The following CSMD1 variants were observed in gnomAD, a reference collection of about 807,000 sequenced individuals.
CSMD1 encodes the protein CUB and sushi domain-containing protein 1.
A neutral mutation model predicts 417.5 loss-of-function variants in CSMD1; 213 were observed. That is an observed-to-expected ratio of 0.51 (90% CI 0.46 to 0.57). CSMD1 has a LOEUF of 0.57. Among genes scored for constraint, CSMD1 ranks in the 20% least tolerant of loss-of-function variants. CSMD1 has a pLI of 0.00. For synonymous variants in CSMD1, 2,862 were observed against 1,736.8 expected, an observed-to-expected ratio of 1.65 and a Z score of -16.11; for missense variants, 6,923 against 4,529.7, an observed-to-expected ratio of 1.53 and a Z score of -15.17.
intron 49 of CSMD1, among the ~76,000 whole-genome samples, chr8:3,057,038 A>G (rs1812277641): frequency 6.6e-6 from 1 of 152,144 alleles, no homozygotes. Context: ...TTAGAGACAG[A>G]TAATGGAGAA....
intron 23 of CSMD1, among the ~76,000 whole-genome samples, chr8:3,322,865 A>G (rs756343747): frequency 6.6e-6 from 1 of 152,230 alleles, no homozygotes; most frequent in Non-Finnish European, 1.5e-5. Flanking sequence ...TCTGGTTAAC[A>G]TAATGGCAAA....
intron 3 of CSMD1, among the ~76,000 whole-genome samples, chr8:4,396,424 A>G (rs1441259453): frequency 6.6e-6 from 1 of 152,114 alleles, no homozygotes; most frequent in African/African-American, 2.4e-5. Flanking sequence ...CCAAGACTGC[A>G]CCACTGAACT....
At chr8:3,480,821 T>C (rs1817697468) in intron 11 of CSMD1, among the ~76,000 whole-genome samples, 1 of 152,132 alleles carries the variant, frequency 6.6e-6, no homozygotes, top group African/African-American at 2.4e-5. Context: ...TAAAGGGAAC[T>C]TAAAAAAATT....
At chr8:3,962,305 T>C (rs1338636450) in intron 5 of CSMD1, among the ~76,000 whole-genome samples, 1 of 131,406 alleles carries the variant, frequency 7.6e-6, no homozygotes, top group Non-Finnish European at 1.6e-5. Flanking sequence ...CAACTTGGGA[T>C]TTGGTTCCAG....
At chr8:4,371,488 G>A (rs1414768385) in intron 3 of CSMD1, among the ~76,000 whole-genome samples, 2 of 152,132 alleles carry the variant, frequency 1.3e-5, no homozygotes, top group East Asian at 3.8e-4. Context: ...ATAAACCTAA[G>A]GCTTCAATAT....
At chr8:3,945,681 G>C (rs1811177820) in intron 5 of CSMD1, among the ~76,000 whole-genome samples, 1 of 152,084 alleles carries the variant, frequency 6.6e-6, no homozygotes, top group Non-Finnish European at 1.5e-5. Context: ...AATGACGACA[G>C]TCCAGATAGC....
intron 5 of CSMD1, among the ~76,000 whole-genome samples, chr8:3,968,187 A>AAATAAT (rs60661289): frequency 4.6e-4 from 68 of 148,996 alleles, no homozygotes; most frequent in African/African-American, 1.5e-3. Flanking sequence ...ACTCCGTCTC[A>AAATAAT]AATAATAATA....
intron 4 of CSMD1, among the ~76,000 whole-genome samples, chr8:4,022,926 G>C (rs1442516917): frequency 1.3e-5 from 2 of 152,172 alleles, no homozygotes; most frequent in African/African-American, 4.8e-5. Flanking sequence ...GTGCAACTAA[G>C]TAATGAGAGA....
intron 3 of CSMD1, among the ~76,000 whole-genome samples, chr8:4,103,741 A>T (rs961802230): frequency 6.6e-6 from 1 of 152,206 alleles, no homozygotes; most frequent in Non-Finnish European, 1.5e-5. Context: ...ACTTGATAGT[A>T]GGAAAAGCTG....
At chr8:4,782,881 G>C (rs1248133624) in intron 1 of CSMD1, among the ~76,000 whole-genome samples, 1 of 150,594 alleles carries the variant, frequency 6.6e-6, no homozygotes, top group African/African-American at 2.4e-5. Flanking sequence ...GCTTTATGAT[G>C]TACATGTTTT....
At chr8:3,180,906 C>T (rs536466096) in intron 37 of CSMD1, among the ~76,000 whole-genome samples, 16 of 152,062 alleles carry the variant, frequency 1.1e-4, no homozygotes, top group Non-Finnish European at 1.6e-4. Context: ...TTCCTCCCAA[C>T]GTGCTGGGAT....
intron 26 of CSMD1, among the ~76,000 whole-genome samples, chr8:3,270,503 C>G (rs1033517813): frequency 6.6e-6 from 1 of 152,152 alleles, no homozygotes; most frequent in Non-Finnish European, 1.5e-5. Flanking sequence ...CTTCATAAAA[C>G]TATTCTGCCT....
intron 3 of CSMD1, among the ~76,000 whole-genome samples, chr8:4,041,347 T>G (rs1349032743): frequency 6.6e-6 from 1 of 152,140 alleles, no homozygotes; most frequent in Non-Finnish European, 1.5e-5. Flanking sequence ...ACTAGAAGAA[T>G]TAATCCATAT....
In CSMD1 at chr8:4,031,929, C is replaced by T. The variant is rs1483824031; in HGVS notation, c.586G>A (p.Asp196Asn). The change falls in exon 4 of 70, where the codon GAC becomes AAC. Residue 196 changes from aspartate to asparagine, a missense_variant. Coordinates refer to ENST00000635120, the MANE Select transcript of CSMD1 (RefSeq NM_033225.6). ...CCTCTGCAAAAGGGAGCTGGGAAGT[C>T]CCACGATGCACCATTTCCTGGGCTG... ...IVSPGNGASW[D>N]FPAPFCRAEG... The T allele has an allele frequency of 6.2e-7, 1 of 1,613,660 alleles. No homozygotes were observed. The highest frequency in any genetic ancestry group is 8.5e-7 in the Non-Finnish European group (1 of 1,179,804).
At chr8:4,843,110 T>C (rs954397672) in intron 1 of CSMD1, among the ~76,000 whole-genome samples, 4 of 152,184 alleles carry the variant, frequency 2.6e-5, no homozygotes, top group African/African-American at 9.7e-5. Flanking sequence ...GATGTGCGAA[T>C]TGAGAGTCGA....
intron 2 of CSMD1, among the ~76,000 whole-genome samples, chr8:4,435,667 G>C (rs1007694011): frequency 2.0e-5 from 3 of 152,206 alleles, no homozygotes; most frequent in African/African-American, 4.8e-5. Flanking sequence ...TTTCCTGTGA[G>C]GTCACCCGAG....
chr8:3,128,051 T>G (rs1268111656), intron 41 of CSMD1: 1 of 152,154 alleles, frequency 6.6e-6, no homozygotes, highest in Non-Finnish European at 1.5e-5. Flanking sequence ...ACTAAAATCT[T>G]TAACATGGCA....
intron 3 of CSMD1, among the ~76,000 whole-genome samples, chr8:4,072,468 C>T (rs1166452604): frequency 1.3e-5 from 2 of 152,104 alleles, no homozygotes; most frequent in African/African-American, 2.4e-5. Flanking sequence ...TATTATTTCG[C>T]ACTTGTAGTG....
Position 4,820,546 on chromosome 8 carries a change from G to T in CSMD1, c.85+173786C>A, listed in dbSNP as rs75565538. ...AAAGACAGAAGAATAATAAGGGAAT[G>T]ATCCAAGTGAAGAAAAAAAGTGAGC... On this transcript the variant is annotated intron_variant, in intron 1 of 69. Coordinates refer to ENST00000635120, the MANE Select transcript of CSMD1 (RefSeq NM_033225.6). Among the ~76,000 whole-genome samples, 768 of 152,234 alleles carry T rather than the reference G, an allele frequency of 5.0e-3. 4 individuals are homozygous for T. Among genetic ancestry groups the T allele is most frequent in the African/African-American group, 0.018 (743 of 41,568 alleles).
Sources: allele counts gnomAD v4.1 joint callset (sites outside exome capture counted in the v4.1 genomes callset), GRCh38; gene constraint gnomAD v4.1.1; transcripts MANE v1.5; gene names NCBI Gene and HGNC (gene_info 2026-07-23, HGNC 2026-07-21).